The following TTLL6 variants were observed in gnomAD, a reference collection of about 807,000 sequenced individuals.
TTLL6 encodes the protein tubulin polyglutamylase TTLL6.
A neutral mutation model predicts 96.4 loss-of-function variants in TTLL6; 75 were observed. The observed-to-expected ratio is 0.78, with a 90% CI of 0.65 to 0.94. TTLL6 has a LOEUF of 0.94. Ranked by LOEUF, TTLL6 falls within the 40% of genes least tolerant of loss-of-function variation. The pLI, the probability that TTLL6 is intolerant of heterozygous loss-of-function variation, is 0.00. For synonymous variants in TTLL6, 411 were observed against 419.4 expected (o/e 0.98, Z 0.24); for missense variants, 1,030 against 1,093.0 (o/e 0.94, Z 0.81).
At chr17:48,807,077 C>CT (rs998685547) in intron 1 of TTLL6, among the ~76,000 whole-genome samples, 44 of 151,778 alleles carry the variant, frequency 2.9e-4, no homozygotes, top group African/African-American at 9.4e-4. Flanking sequence ...AAAATAATTT[C>CT]TTTTTTTGTT....
intron 13 of TTLL6, among the ~76,000 whole-genome samples, chr17:48,770,932 G>C (rs910077755): frequency 3.6e-5 from 5 of 137,702 alleles, no homozygotes; most frequent in Admixed American, 8.0e-5. Context: ...AACAAACAAA[G>C]AAACAAAAAA....
chr17:48,769,385 G>T, intron 14 of TTLL6, 131 bp from the exon 15 acceptor site: 1 of 1,136,194 alleles, frequency 8.8e-7, no homozygotes, highest in Non-Finnish European at 1.2e-6. Context: ...GCCAGAATCA[G>T]CCATTGCTCC....
intron 6 of TTLL6, among the ~76,000 whole-genome samples, chr17:48,799,357 T>C (rs2039371079): frequency 6.6e-6 from 1 of 152,138 alleles, no homozygotes; most frequent in Non-Finnish European, 1.5e-5. Flanking sequence ...CCCTAATGTG[T>C]TACAGGAAAA....
rs2038505483 is a variant in TTLL6 at position 48,762,385 on chromosome 17, G to A, written c.*589C>T. On this transcript the variant is annotated 3_prime_UTR_variant, in exon 16 of 16. Transcript: ENST00000393382. ...AGATTAAGTTGGGCTGGTGAGGGAG[G>A]TCACCAGAGGATGCTCGGGCACTGA... 1 of 152,272 alleles carries A rather than the reference G, an allele frequency of 6.6e-6. No individual in the cohort carries two copies. The highest frequency in any genetic ancestry group is 1.5e-5 in the Non-Finnish European group (1 of 68,166). The allele number at this position is 152,272 out of a possible 1,614,324, so 9.4% of individuals were successfully genotyped here.
intron 10 of TTLL6, among the ~76,000 whole-genome samples, chr17:48,788,376 A>G (rs2039149731): frequency 6.6e-6 from 1 of 152,162 alleles, no homozygotes; most frequent in Non-Finnish European, 1.5e-5. Context: ...GCCGAATTTG[A>G]GGGCTTCCTG....
rs142530762 is a variant in TTLL6 at position 48,802,532 on chromosome 17, C to A, written c.362-889G>T. ...AGAATGGGAGAAGTGCCTGCAGTAA[C>A]CGGGACAGGACAAGACTACCCTAAA... On this transcript the variant is annotated intron_variant, in intron 3 of 15. Transcript: ENST00000393382. 2.0e-5 allele frequency among the ~76,000 whole-genome samples: 3 copies of A among 152,318 alleles called. No individual in the cohort carries two copies. In the East Asian group the frequency reaches 5.8e-4, roughly 29 times the overall value.
At chr17:48,796,642 G>T (rs1456009384) in intron 7 of TTLL6, among the ~76,000 whole-genome samples, 1 of 150,964 alleles carries the variant, frequency 6.6e-6, no homozygotes, top group Non-Finnish European at 1.5e-5. Flanking sequence ...AGAAACTCCA[G>T]TTCTTTCTGA....
In TTLL6 at chr17:48,769,140, A is replaced by G. The variant is rs371250755; in HGVS notation, c.2525T>C (p.Leu842Pro). Residue 842 changes from leucine to proline, a missense_variant, in exon 15 of 16, where the codon CTG (leucine) becomes CCG (proline). Physicochemically the swap from Leu to Pro is moderately conservative, Grantham distance 98 (BLOSUM62 -3). Coordinates refer to ENST00000393382, the MANE Select transcript of TTLL6 (RefSeq NM_001130918.3). Reference sequence around the variant, plus strand: ...AGTGGCAATCACCAGCAGGTCCCTCAGAGTAACATTATAGCTCTGAGGACT... The same window carrying G: ...AGTGGCAATCACCAGCAGGTCCCTCGGAGTAACATTATAGCTCTGAGGACT... Reference protein sequence around the residue: ...LQSPQSYNVTLRDLLVIATPA... With the variant: ...LQSPQSYNVTPRDLLVIATPA... 2 of 1,614,086 alleles carry G rather than the reference A, an allele frequency of 1.2e-6. No individual in the cohort carries two copies. The highest frequency in any genetic ancestry group is 2.7e-5 in the African/African-American group (2 of 74,932).
chr17:48,770,189 G>T (rs1597959168), intron 13 of TTLL6, 92 bp from the exon 14 acceptor site: 8 of 1,470,430 alleles, frequency 5.4e-6, no homozygotes, highest in Non-Finnish European at 7.2e-6. Context: ...TTGAGACAAG[G>T]TCTTGCTATG....
chr17:48,778,650 T>C (rs922459211), intron 13 of TTLL6, among the ~76,000 whole-genome samples: 3 of 146,110 alleles, frequency 2.1e-5, no homozygotes, highest in Non-Finnish European at 4.5e-5. Context: ...AAAAAAAAAT[T>C]GCCAGACACA....
At chr17:48,768,839 G>T in intron 15 of TTLL6, 150 bp downstream of exon 15, 1 of 884,456 alleles carries the variant, frequency 1.1e-6, no homozygotes, top group Non-Finnish European at 1.7e-6. Context: ...ACTGCACCCA[G>T]CCAGGGTCAC....
chr17:48,769,721 C>T lies in TTLL6; in HGVS notation c.2410+7G>A, dbSNP rs1156943633. The T allele has an allele frequency of 6.2e-7, 1 of 1,612,836 alleles. No individual in the cohort carries two copies. Among genetic ancestry groups the T allele is most frequent in the African/African-American group, 1.3e-5 (1 of 75,046 alleles). On this transcript the variant is annotated splice_region_variant and intron_variant, in intron 14 of 15. Coordinates refer to ENST00000393382, the MANE Select transcript of TTLL6 (RefSeq NM_001130918.3). ...CCTGGCACATCCCTGTACACACTGG[C>T]ACTCACGTGACAGGTTATTCATCCC... is the stretch of plus-strand genomic sequence containing the variant.
chr17:48,788,171 G>A (rs2039144619), intron 10 of TTLL6, among the ~76,000 whole-genome samples, 172 bp from the exon 11 acceptor site: 1 of 152,196 alleles, frequency 6.6e-6, no homozygotes, highest in African/African-American at 2.4e-5. Context: ...GGAGATTCTA[G>A]CCCTCCTGGG....
Position 48,769,027 on chromosome 17 carries a change from A to C in TTLL6, c.2638T>G (p.Cys880Gly), listed in dbSNP as rs534559569. 49 of 1,614,210 alleles carry C rather than the reference A, an allele frequency of 3.0e-5. No homozygotes were observed. The East Asian group carries it at 1.0e-3, about 33-fold the overall frequency. ...CATCCTTTTTGGCCAGAGATCAGGC[A>C]ATGGCTGTATGCTTCTTGATCCTGC... is the stretch of plus-strand genomic sequence containing the variant. ...CMQDQEAYSHCLISGQKGCER... is the reference protein window; with the variant it reads ...CMQDQEAYSHGLISGQKGCER... Residue 880 changes from cysteine (C) to glycine (G), a missense_variant, in exon 15 of 16, where the codon TGC becomes GGC. By Grantham distance (159) the Cys-to-Gly change is radical (BLOSUM62 -3). Transcript: ENST00000393382.
At chr17:48,793,600 A>G (rs2039266139) in intron 8 of TTLL6, among the ~76,000 whole-genome samples, 2 of 138,082 alleles carry the variant, frequency 1.4e-5, no homozygotes, top group African/African-American at 2.9e-5. Context: ...CCGTCTCAAG[A>G]AAAAAAAAAA....
At chr17:48,770,161 T>TA in intron 13 of TTLL6, 64 bp from the exon 14 acceptor site, 1 of 1,509,396 alleles carries the variant, frequency 6.6e-7, no homozygotes, top group Non-Finnish European at 8.8e-7. Context: ...TATGCTATTT[T>TA]TTTTTTATTT....
At chr17:48,813,825 G>C (rs552945115) in intron 1 of TTLL6, among the ~76,000 whole-genome samples, 1 of 152,216 alleles carries the variant, frequency 6.6e-6, no homozygotes, top group Admixed American at 6.5e-5. Flanking sequence ...CTGAATGTTA[G>C]AGCTGGGAGG....
In TTLL6 at chr17:48,817,062, A is replaced by G. The variant is rs375640713; in HGVS notation, c.11T>C (p.Leu4Ser). The G allele has an allele frequency of 6.6e-5, 102 of 1,543,118 alleles. No homozygotes were observed. The highest frequency in any genetic ancestry group is 5.4e-4 in the Admixed American group (27 of 50,128). Residue 4 changes from leucine to serine, a missense_variant, in exon 1 of 16, where the codon TTA becomes TCA. Leu to Ser is a moderately radical substitution (Grantham distance 145). Transcript: ENST00000393382. MGA[L>S]LLHPSRRGPA... ...CCCCCTCCTCGAAGGATGAAGGAGTAACGCTCCCATTGGCTGCCAGACAGC... is the reference window on the plus strand; with the variant it reads ...CCCCCTCCTCGAAGGATGAAGGAGTGACGCTCCCATTGGCTGCCAGACAGC...
In TTLL6 at chr17:48,796,095, T is replaced by C. The variant is rs1314310261; in HGVS notation, c.964A>G (p.Asn322Asp). The change falls in exon 8 of 16, where the codon AAT (asparagine) becomes GAT (aspartate). Residue 322 changes from asparagine (N) to aspartate (D), a missense_variant. Asn to Asp is a conservative substitution (Grantham distance 23, BLOSUM62 1). Transcript: ENST00000393382. Reference protein sequence around the residue: ...TNYSINKHSSNFSRDAHSGSK... With the variant: ...TNYSINKHSSDFSRDAHSGSK... ...CCAGAGTGTGCATCTCGACTGAAAT[T>C]TGAACTGTGCTTATTAATGGAATAA... The C allele has an allele frequency of 1.3e-6, 2 of 1,551,410 alleles. No homozygotes were observed. Among genetic ancestry groups the C allele is most frequent in the African/African-American group, 2.7e-5 (2 of 73,032 alleles).
Sources: allele counts gnomAD v4.1 joint callset (sites outside exome capture counted in the v4.1 genomes callset), GRCh38; gene constraint gnomAD v4.1.1; transcripts MANE v1.5; gene names NCBI Gene and HGNC (gene_info 2026-07-23, HGNC 2026-07-21).